Variants in MAP2K4 observed in about 807,000 individuals in gnomAD.
MAP2K4 encodes dual specificity mitogen-activated protein kinase kinase 4.
A neutral mutation model predicts 48.5 loss-of-function variants in MAP2K4; 4 were observed. The ratio of observed to expected loss-of-function variants is 0.08; its 90% CI spans 0.04 to 0.19. The LOEUF is 0.19. Among genes scored for constraint, MAP2K4 ranks in the 10% least tolerant of loss-of-function variants. The pLI is 1.00. For missense variants in MAP2K4, 258 were observed against 493.3 expected, an observed-to-expected ratio of 0.52 and a Z score of 4.52; for synonymous variants, 166 against 173.1, an observed-to-expected ratio of 0.96 and a Z score of 0.32.
chr17:12,053,025 C>G (rs1247814072), intron 1 of MAP2K4, among the ~76,000 whole-genome samples: 1 of 151,978 alleles, frequency 6.6e-6, no homozygotes, highest in Non-Finnish European at 1.5e-5. Context: ...ATCCCAAATC[C>G]CATTATGAAA....
At chr17:12,050,639 G>A (rs779965845) in intron 1 of MAP2K4, among the ~76,000 whole-genome samples, 3 of 152,170 alleles carry the variant, frequency 2.0e-5, no homozygotes, top group Admixed American at 6.6e-5. Flanking sequence ...GGCCAAGATC[G>A]AAGCAAACTA....
chr17:12,099,269 GTA>G (rs1210620657), intron 4 of MAP2K4, among the ~76,000 whole-genome samples: 4 of 150,852 alleles, frequency 2.7e-5, no homozygotes, highest in African/African-American at 9.8e-5. Context: ...TGTCTATTGT[GTA>G]TATATGTCAC....
intron 3 of MAP2K4, among the ~76,000 whole-genome samples, chr17:12,095,048 A>G (rs772138498): frequency 6.6e-6 from 1 of 152,180 alleles, no homozygotes; most frequent in African/African-American, 2.4e-5. Context: ...CTGCTCCTAT[A>G]CTAGTATTCA....
intron 7 of MAP2K4, chr17:12,124,581 G>A (rs527566829): frequency 1.3e-5 from 2 of 152,244 alleles, no homozygotes; most frequent in South Asian, 2.1e-4. Flanking sequence ...CTCATCCACC[G>A]AGCAAAGTCT....
rs545636784 is a variant in MAP2K4 at position 12,061,879 on chromosome 17, G to T, written c.218+6888G>T. ...TATTAAGGAAATTTGCTATATGAAG[G>T]TAACTTTTTTCAGTGTGTTTTTTTT... is the stretch of plus-strand genomic sequence containing the variant. On this transcript the variant is annotated intron_variant, in intron 2 of 10. Transcript: ENST00000353533. Among the ~76,000 whole-genome samples, 18 of 150,626 alleles carry T rather than the reference G, an allele frequency of 1.2e-4. No individual in the cohort carries two copies. The South Asian group carries it at 3.9e-3, about 33-fold the overall frequency.
At chr17:12,136,709 C>A (rs1033413122) in intron 9 of MAP2K4, among the ~76,000 whole-genome samples, 1 of 152,120 alleles carries the variant, frequency 6.6e-6, no homozygotes, top group Admixed American at 6.6e-5. Context: ...GATTTCAACC[C>A]AAATAGCATC....
At chr17:12,024,118 A>G (rs1213309023) in intron 1 of MAP2K4, among the ~76,000 whole-genome samples, 1 of 152,160 alleles carries the variant, frequency 6.6e-6, no homozygotes, top group Non-Finnish European at 1.5e-5. Context: ...CTTTCAGAGT[A>G]TCCTAGATGA....
At chr17:12,110,339 C>T (rs759245362) in intron 5 of MAP2K4, 36 bp from the exon 6 acceptor site, 1 of 1,476,416 alleles carries the variant, frequency 6.8e-7, no homozygotes, top group Admixed American at 1.7e-5. Flanking sequence ...TAAAAAGAAA[C>T]AAGTTGTTTA....
intron 1 of MAP2K4, among the ~76,000 whole-genome samples, chr17:12,049,251 T>C (rs976599307): frequency 8.5e-5 from 13 of 152,170 alleles, no homozygotes; most frequent in African/African-American, 3.1e-4. Flanking sequence ...CTCTGCGATG[T>C]GATGTTCTGA....
intron 4 of MAP2K4, among the ~76,000 whole-genome samples, chr17:12,104,921 A>C (rs1397449294): frequency 1.3e-5 from 2 of 152,138 alleles, no homozygotes; most frequent in East Asian, 3.8e-4. Context: ...TGAATGATTT[A>C]ATGTCAGAAT....
chr17:12,066,606 C>T (rs965711518), intron 2 of MAP2K4, among the ~76,000 whole-genome samples: 12 of 152,126 alleles, frequency 7.9e-5, no homozygotes, highest in African/African-American at 1.9e-4. Flanking sequence ...CTCAGCTCAC[C>T]GCAACCTCCA....
At chr17:12,092,983 G>A (rs1370335493) in intron 3 of MAP2K4, among the ~76,000 whole-genome samples, 2 of 152,160 alleles carry the variant, frequency 1.3e-5, no homozygotes, top group East Asian at 1.9e-4. Flanking sequence ...CCGAGATCGC[G>A]CCACTGCACT....
intron 2 of MAP2K4, among the ~76,000 whole-genome samples, chr17:12,070,578 T>C (rs943424590): frequency 1.3e-5 from 2 of 152,164 alleles, no homozygotes; most frequent in African/African-American, 4.8e-5. Flanking sequence ...AAAAAGGATA[T>C]AGAAAATATG....
intron 6 of MAP2K4, among the ~76,000 whole-genome samples, chr17:12,111,641 A>G (rs1972308792): frequency 6.6e-6 from 1 of 152,108 alleles, no homozygotes; most frequent in Non-Finnish European, 1.5e-5. Context: ...TTCAGAAGTA[A>G]CTTTTATTGT....
chr17:12,071,227 C>A (rs1970796142), intron 2 of MAP2K4, among the ~76,000 whole-genome samples: 1 of 152,130 alleles, frequency 6.6e-6, no homozygotes, highest in Non-Finnish European at 1.5e-5. Context: ...TCTGGATGGA[C>A]CTATCTTTTT....
At chr17:12,129,455 T>C (rs1009593005) in intron 9 of MAP2K4, among the ~76,000 whole-genome samples, 168 bp downstream of exon 9, 1 of 152,216 alleles carries the variant, frequency 6.6e-6, no homozygotes, top group African/African-American at 2.4e-5. Context: ...AGGTTACAGC[T>C]AGCTGGGAGA....
intron 1 of MAP2K4, among the ~76,000 whole-genome samples, chr17:12,029,873 A>T (rs985840957): frequency 1.1e-4 from 17 of 151,978 alleles, no homozygotes; most frequent in African/African-American, 3.9e-4. Context: ...AGCTATGATC[A>T]TGCCACTGCA....
intron 1 of MAP2K4, among the ~76,000 whole-genome samples, chr17:12,038,919 T>C (rs1969691126): frequency 6.6e-6 from 1 of 152,138 alleles, no homozygotes. Flanking sequence ...ATTTTCTAAA[T>C]CAAATGGCTT....
rs369213453 is a variant in MAP2K4, at chr17:12,027,073, A to G, written c.115+6072A>G. 9 of 152,324 alleles carry G rather than the reference A, an allele frequency of 5.9e-5. No homozygotes were observed. The East Asian group carries it at 7.7e-4, about 13-fold the overall frequency. The allele number at this position is 152,324 out of a possible 1,614,324, so 9.4% of individuals were successfully genotyped here. On this transcript the variant is annotated intron_variant, in intron 1 of 10. Transcript: ENST00000353533. ...AAATTTGTAATCTGGGCAAATTACT[A>G]TTTTTGCTAGTGGATGTGGGTTAGC...
Sources: allele counts gnomAD v4.1 joint callset (sites outside exome capture counted in the v4.1 genomes callset), GRCh38; gene constraint gnomAD v4.1.1; transcripts MANE v1.5; gene names NCBI Gene and HGNC (gene_info 2026-07-23, HGNC 2026-07-21).